The following TTC3 variants were observed in gnomAD, a reference collection of about 807,000 sequenced individuals.
TTC3 encodes tetratricopeptide repeat domain 3, also known as E3 ubiquitin-protein ligase TTC3.
A neutral mutation model predicts 249.6 loss-of-function variants in TTC3; 180 were observed. The observed-to-expected ratio is 0.72, with a 90% CI of 0.64 to 0.82. The LOEUF is 0.82. Ranked by LOEUF, TTC3 falls within the 40% of genes least tolerant of loss-of-function variation. TTC3 has a pLI of 0.00. For synonymous variants in TTC3, 717 were observed against 805.0 expected (o/e 0.89, Z 1.85); for missense variants, 2,061 against 2,398.4 (o/e 0.86, Z 2.94).
intron 29 of TTC3, 106 bp downstream of exon 29, chr21:37,159,851 G>A: frequency 9.3e-7 from 1 of 1,071,864 alleles, no homozygotes; most frequent in African/African-American, 1.6e-5. Context: ...CAGCATTCAA[G>A]AACCACATTA....
intron 29 of TTC3, among the ~76,000 whole-genome samples, chr21:37,160,215 T>G (rs1485252168): frequency 1.3e-5 from 2 of 152,212 alleles, no homozygotes; most frequent in Non-Finnish European, 2.9e-5. Context: ...AATTCTTCAG[T>G]TTAGGAAAGT....
intron 10 of TTC3, chr21:37,100,763 T>G (rs2074407006): frequency 6.6e-6 from 1 of 152,244 alleles, no homozygotes. Flanking sequence ...AGGATTGTGT[T>G]TATCCCAGGA....
rs190930825 is a variant in TTC3, at chr21:37,077,118, C to A, written c.-12+3754C>A. Reference sequence around the variant, plus strand: ...AAAGTTGCTTTTTTTTTTATGTTATCAGGGTATATTTTTTGGCCAACCATA... The same window carrying A: ...AAAGTTGCTTTTTTTTTTATGTTATAAGGGTATATTTTTTGGCCAACCATA... On this transcript the variant is annotated intron_variant, in intron 1 of 45. Transcript: ENST00000355666. 1.9e-3 allele frequency among the ~76,000 whole-genome samples: 284 copies of A among 150,118 alleles called. 5 individuals are homozygous for A. The highest frequency in any genetic ancestry group is 0.018 in the Admixed American group (277 of 15,090).
chr21:37,158,870 C>A (rs150150627), intron 28 of TTC3, among the ~76,000 whole-genome samples: 3 of 152,170 alleles, frequency 2.0e-5, no homozygotes, highest in African/African-American at 7.2e-5. Context: ...CCCCACTTCC[C>A]GAGGCCAAGA....
rs1014185125 is a variant in TTC3 at position 37,186,302 on chromosome 21, C to T, written c.4826+528C>T. ...CTGCTTTTCTCACTATTGTTTCTTA[C>T]GCACATTCCCATCCCGGTTTTTGAA... is the stretch of plus-strand genomic sequence containing the variant. On this transcript the variant is annotated intron_variant, in intron 37 of 45. Transcript: ENST00000355666. Among the ~76,000 whole-genome samples the T allele has an allele frequency of 8.5e-5, 13 of 152,174 alleles. No individual in the cohort carries two copies. The East Asian group carries it at 1.7e-3, about 20-fold the overall frequency.
chr21:37,075,103 A>G (rs1161129542), intron 1 of TTC3, among the ~76,000 whole-genome samples: 1 of 149,674 alleles, frequency 6.7e-6, no homozygotes, highest in Non-Finnish European at 1.5e-5. Context: ...CATACACAAT[A>G]TATATTATTG....
At chr21:37,128,918 A>G in intron 15 of TTC3, 85 bp from the exon 16 acceptor site, 4 of 1,084,650 alleles carry the variant, frequency 3.7e-6, no homozygotes, top group Non-Finnish European at 1.3e-6. Context: ...TTCTTACTCC[A>G]ATTTATATTT....
At chr21:37,192,510 T>TGTGTGTGTGTGC (rs1267619236) in intron 41 of TTC3, among the ~76,000 whole-genome samples, 3 of 151,780 alleles carry the variant, frequency 2.0e-5, no homozygotes, top group African/African-American at 7.3e-5. Flanking sequence ...TGTGTGTGTG[T>TGTGTGTGTGTGC]GTGTGTGTGT....
chr21:37,163,611 A>G (rs1431272406), intron 31 of TTC3, among the ~76,000 whole-genome samples: 2 of 152,130 alleles, frequency 1.3e-5, no homozygotes, highest in East Asian at 1.9e-4. Flanking sequence ...TGGCCTCCCA[A>G]AGTGCTGGGA....
At chr21:37,177,022 G>T (rs1272059082) in intron 35 of TTC3, among the ~76,000 whole-genome samples, 2 of 152,180 alleles carry the variant, frequency 1.3e-5, no homozygotes, top group Admixed American at 6.5e-5. Context: ...AAGCGTAGAA[G>T]TCTGGATCAG....
chr21:37,168,557 A>C (rs758234120), intron 34 of TTC3, among the ~76,000 whole-genome samples: 2 of 152,218 alleles, frequency 1.3e-5, no homozygotes, highest in Non-Finnish European at 2.9e-5. Context: ...CTATGGAGAG[A>C]CACATAGAAG....
chr21:37,173,248 T>C (rs555106878), intron 35 of TTC3, among the ~76,000 whole-genome samples: 6 of 152,330 alleles, frequency 3.9e-5, no homozygotes, highest in African/African-American at 1.2e-4. Flanking sequence ...TTAATACTTA[T>C]AAAGTACTTA....
chr21:37,143,556 C>T, intron 20 of TTC3, among the ~76,000 whole-genome samples: 1 of 151,910 alleles, frequency 6.6e-6, no homozygotes, highest in East Asian at 1.9e-4. Context: ...CCGTCTCACA[C>T]CAGTTAGAAT....
At chr21:37,189,479 C>T (rs182283160) in intron 39 of TTC3, among the ~76,000 whole-genome samples, 61 of 152,036 alleles carry the variant, frequency 4.0e-4, no homozygotes, top group African/African-American at 1.3e-3. Flanking sequence ...CTCCTGACCT[C>T]GTGATCCACC....
chr21:37,098,300 G>T, intron 10 of TTC3: 1 of 191,200 alleles, frequency 5.2e-6, no homozygotes, highest in East Asian at 1.3e-4. Flanking sequence ...CTGAAATATT[G>T]CCTGGCAGAA....
exon 42 of TTC3, chr21:37,195,912 A>C: frequency 6.2e-7 from 1 of 1,614,236 alleles, no homozygotes; most frequent in East Asian, 2.2e-5. Context: ...GTCAGAACGA[A>C]GCCCTGTGGC....
exon 9 of TTC3, chr21:37,095,393 A>G (rs148015990): frequency 5.6e-6 from 9 of 1,609,094 alleles, no homozygotes; most frequent in East Asian, 2.2e-5. Flanking sequence ...GAGTTTTCCA[A>G]AGAAAGATTT....
chr21:37,167,673 C>A, intron 34 of TTC3, 53 bp downstream of exon 34: 1 of 1,409,194 alleles, frequency 7.1e-7, no homozygotes, highest in Non-Finnish European at 9.9e-7. Context: ...ATTAATTTAT[C>A]TAGATGGAAT....
intron 21 of TTC3, 101 bp downstream of exon 21, chr21:37,144,746 A>T: frequency 7.2e-7 from 1 of 1,395,184 alleles, no homozygotes; most frequent in Non-Finnish European, 9.6e-7. Flanking sequence ...TTCCATCCCC[A>T]CCTCCCTTAC....
Sources: allele counts gnomAD v4.1 joint callset (sites outside exome capture counted in the v4.1 genomes callset), GRCh38; gene constraint gnomAD v4.1.1; transcripts MANE v1.5; gene names NCBI Gene and HGNC (gene_info 2026-07-23, HGNC 2026-07-21).